DLC1: variants seen among roughly 807,000 people sequenced by gnomAD.
The protein encoded by DLC1 is rho GTPase-activating protein 7.
DLC1 carries 54 observed loss-of-function variants against 140.3 expected under a neutral mutation model. The ratio of observed to expected loss-of-function variants is 0.38; its 90% CI spans 0.31 to 0.48. The LOEUF (loss-of-function observed/expected upper bound fraction) is 0.48, where lower values mean the gene tolerates loss of function less well. DLC1 is among the 20% of genes least tolerant of loss of function. The probability of loss-of-function intolerance (pLI) is 0.96; values close to 1 mark genes in which losing one functional copy is unlikely to be tolerated. For synonymous variants in DLC1, 986 were observed against 728.1 expected, an observed-to-expected ratio of 1.35 and a Z score of -5.70; for missense variants, 2,536 against 1,907.0, an observed-to-expected ratio of 1.33 and a Z score of -6.14.
intron 2 of DLC1, among the ~76,000 whole-genome samples, chr8:13,430,959 C>G (rs564361930): frequency 1.3e-5 from 2 of 152,030 alleles, no homozygotes; most frequent in African/African-American, 4.8e-5. Flanking sequence ...CCTATGAAGT[C>G]GCATGAAACA....
chr8:13,573,197 C>T (rs894081729), intron 1 of DLC1, among the ~76,000 whole-genome samples: 7 of 151,976 alleles, frequency 4.6e-5, no homozygotes, highest in African/African-American at 1.4e-4. Flanking sequence ...TCAATGTATT[C>T]GTAAGTGTTT....
chr8:13,560,894 C>T (rs78933626), intron 1 of DLC1, among the ~76,000 whole-genome samples: 21 of 152,018 alleles, frequency 1.4e-4, no homozygotes, highest in Non-Finnish European at 2.8e-4. Context: ...CCTCACAACC[C>T]TCAGAAGGAA....
chr8:13,194,469 G>A (rs562477231), intron 5 of DLC1, among the ~76,000 whole-genome samples: 41 of 152,312 alleles, frequency 2.7e-4, no homozygotes, highest in African/African-American at 7.7e-4. Flanking sequence ...CAGTCCTGGA[G>A]TAAAAGAAGG....
chr8:13,183,132 A>G (rs1235123151), intron 5 of DLC1, among the ~76,000 whole-genome samples: 1 of 152,112 alleles, frequency 6.6e-6, no homozygotes, highest in Non-Finnish European at 1.5e-5. Context: ...TTATTGGTGT[A>G]TAGGAATGCT....
chr8:13,498,137 G>C (rs954916654), intron 2 of DLC1, among the ~76,000 whole-genome samples: 7 of 152,180 alleles, frequency 4.6e-5, no homozygotes, highest in African/African-American at 1.7e-4. Context: ...TTTAATCAGT[G>C]CATACCAGTG....
At chr8:13,432,898 T>C (rs1254263899) in intron 2 of DLC1, among the ~76,000 whole-genome samples, 3 of 150,180 alleles carry the variant, frequency 2.0e-5, no homozygotes, top group Non-Finnish European at 4.4e-5. Flanking sequence ...GCTCTACTGC[T>C]GGGGAATTGT....
At chr8:13,297,808 C>G (rs1008696063) in intron 5 of DLC1, among the ~76,000 whole-genome samples, 3 of 152,144 alleles carry the variant, frequency 2.0e-5, no homozygotes, top group African/African-American at 7.2e-5. Flanking sequence ...ATTAATCATT[C>G]TCTGGATCCA....
At position 13,496,775 on chromosome 8, in the gene DLC1, T is replaced by A. The variant is rs1252854487; in HGVS notation, c.1023+2274A>T. Among the ~76,000 whole-genome samples the A allele has an allele frequency of 1.4e-5, 2 of 139,588 alleles. 1 individual carries two copies. The highest frequency in any genetic ancestry group is 1.5e-4 in the Admixed American group (2 of 13,122). The allele number at this position is 139,588 out of a possible 152,430, so 91.6% of individuals were successfully genotyped here. On this transcript the variant is annotated intron_variant, in intron 2 of 17. Coordinates refer to ENST00000276297, the MANE Select transcript of DLC1 (RefSeq NM_182643.3). ...AATAGATAAATAATTAACAAATTCT[T>A]AGACCATTTCCTTTTTTTTTTTTTT...
intron 2 of DLC1, among the ~76,000 whole-genome samples, chr8:13,409,024 T>TA (rs1837679370): frequency 6.6e-6 from 1 of 151,912 alleles, no homozygotes; most frequent in East Asian, 1.9e-4. Flanking sequence ...ATTTTTTTTT[T>TA]AAAGTCTTGT....
At chr8:13,269,164 C>A (rs1193783608) in intron 5 of DLC1, among the ~76,000 whole-genome samples, 1 of 152,154 alleles carries the variant, frequency 6.6e-6, no homozygotes, top group Non-Finnish European at 1.5e-5. Context: ...TGAGCCACCG[C>A]TCCCGGCCTC....
chr8:13,139,074 C>T (rs1048462974), intron 5 of DLC1, among the ~76,000 whole-genome samples: 2 of 151,740 alleles, frequency 1.3e-5, no homozygotes, highest in Non-Finnish European at 2.9e-5. Context: ...CACAAGCCCA[C>T]GAGTTTGAGA....
Position 13,447,377 on chromosome 8 carries a change from A to G in DLC1, c.1024-45758T>C, listed in dbSNP as rs149858786. 3.1e-3 allele frequency among the ~76,000 whole-genome samples: 470 copies of G among 152,336 alleles called. 2 individuals carry two copies. Among genetic ancestry groups the G allele is most frequent in the African/African-American group, 0.011 (453 of 41,582 alleles). On this transcript the variant is annotated intron_variant, in intron 2 of 17. Coordinates refer to ENST00000276297, the MANE Select transcript of DLC1 (RefSeq NM_182643.3). The stretch of plus-strand genomic sequence containing the variant: ...CTAACCTTTTGCGTGACATTGAGTA[A>G]TACCTATTTGGCATGAACCAGGTTT...
intron 5 of DLC1, among the ~76,000 whole-genome samples, chr8:13,213,126 G>T (rs1204656760): frequency 6.6e-6 from 1 of 152,148 alleles, no homozygotes; most frequent in Non-Finnish European, 1.5e-5. Context: ...TAAAAATTCT[G>T]CATGATAATA....
intron 1 of DLC1, among the ~76,000 whole-genome samples, chr8:13,554,129 CA>C (rs1372344837): frequency 2.0e-5 from 3 of 152,096 alleles, no homozygotes. Context: ...TGCAATGGCA[CA>C]ATCTCCACTC....
At chr8:13,471,506 G>A (rs1007583432) in intron 2 of DLC1, among the ~76,000 whole-genome samples, 1 of 135,892 alleles carries the variant, frequency 7.4e-6, no homozygotes, top group African/African-American at 3.0e-5. Flanking sequence ...GCAGGGAAAG[G>A]AGGGAGGGAA....
At chr8:13,181,255 G>C (rs910648369) in intron 5 of DLC1, among the ~76,000 whole-genome samples, 3 of 151,568 alleles carry the variant, frequency 2.0e-5, no homozygotes, top group Admixed American at 6.6e-5. Context: ...CAAGCACATG[G>C]CTGCTGCCTC....
intron 5 of DLC1, among the ~76,000 whole-genome samples, chr8:13,139,077 G>C (rs1822775563): frequency 6.6e-6 from 1 of 151,902 alleles, no homozygotes. Context: ...AAGCCCACGA[G>C]TTTGAGACCA....
Position 13,283,809 on chromosome 8 carries a change from G to A in DLC1, c.1348+21460C>T, listed in dbSNP as rs150339339. Reference sequence around the variant, plus strand: ...GGATTGCAGATATGAGCCACTCAGCGTGGCGTAGCAGTGTTGAGGTGACAG... The same window carrying A: ...GGATTGCAGATATGAGCCACTCAGCATGGCGTAGCAGTGTTGAGGTGACAG... On this transcript the variant is annotated intron_variant, in intron 5 of 17. Coordinates refer to ENST00000276297, the MANE Select transcript of DLC1 (RefSeq NM_182643.3). Among the ~76,000 whole-genome samples the A allele has an allele frequency of 4.1e-3, 626 of 152,288 alleles. 5 individuals are homozygous for A. The highest frequency in any genetic ancestry group is 0.014 in the African/African-American group (578 of 41,564).
chr8:13,405,802 T>C (rs540558414), intron 2 of DLC1, among the ~76,000 whole-genome samples: 102 of 151,986 alleles, frequency 6.7e-4, no homozygotes, highest in South Asian at 1.5e-3. Context: ...TCTCTTTTTT[T>C]CTCTTTTCTC....
Sources: gnomAD v4.1 joint callset for allele counts (sites outside exome capture counted in the v4.1 genomes callset) on GRCh38, gnomAD v4.1.1 for gene constraint, MANE v1.5 for transcripts, NCBI Gene and HGNC (gene_info 2026-07-23, HGNC 2026-07-21) for gene names.